SH3PXD2A: variants seen among roughly 807,000 people sequenced by gnomAD.
The protein encoded by SH3PXD2A is SH3 and PX domain-containing protein 2A.
Under a neutral mutation model 115.2 loss-of-function variants are expected in SH3PXD2A, and 32 were observed. The ratio of observed to expected loss-of-function variants is 0.28; its 90% CI spans 0.21 to 0.37. SH3PXD2A has a LOEUF of 0.37. Among genes scored for constraint, SH3PXD2A ranks in the 10% least tolerant of loss-of-function variants. The pLI, the probability that SH3PXD2A is intolerant of heterozygous loss-of-function variation, is 1.00. For missense variants in SH3PXD2A, 1,328 were observed against 1,498.7 expected (o/e 0.89, Z 1.88); for synonymous variants, 610 against 629.1 (o/e 0.97, Z 0.45).
intron 1 of SH3PXD2A, among the ~76,000 whole-genome samples, chr10:103,823,326 T>C (rs777919923): frequency 6.6e-6 from 1 of 152,218 alleles, no homozygotes; most frequent in Non-Finnish European, 1.5e-5. Context: ...ATGCTGGCTT[T>C]GTGTAAGAAG....
intron 3 of SH3PXD2A, among the ~76,000 whole-genome samples, chr10:103,741,210 C>A (rs2038440657): frequency 6.6e-6 from 1 of 152,138 alleles, no homozygotes; most frequent in African/African-American, 2.4e-5. Flanking sequence ...CTACAACAGC[C>A]AAGGCCCTGG....
chr10:103,722,837 T>C (rs1288054610), intron 5 of SH3PXD2A, among the ~76,000 whole-genome samples: 1 of 152,212 alleles, frequency 6.6e-6, no homozygotes, highest in East Asian at 1.9e-4. Context: ...AAGCTACTGA[T>C]AAGCTCCTGA....
chr10:103,715,108 G>A (rs2038090574), intron 5 of SH3PXD2A, among the ~76,000 whole-genome samples: 1 of 152,208 alleles, frequency 6.6e-6, no homozygotes, highest in South Asian at 2.1e-4. Context: ...TTTTGGGGTG[G>A]CTGCTCTGTA....
chr10:103,660,998 C>G lies in SH3PXD2A; in HGVS notation c.589G>C (p.Glu197Gln). The G allele has an allele frequency of 6.2e-7, 1 of 1,614,042 alleles. No individual in the cohort carries two copies. The highest frequency in any genetic ancestry group is 8.5e-7 in the Non-Finnish European group (1 of 1,179,954). Residue 197 changes from glutamate to glutamine, a missense_variant, in exon 8 of 15, where the codon GAG becomes CAG. By Grantham distance (29) the Glu-to-Gln change is conservative. Around this residue, in one of 5 missense-constraint regions of SH3PXD2A, gnomAD observed 509 missense variants for 628.3 expected, o/e 0.81. Coordinates refer to ENST00000369774, the MANE Select transcript of SH3PXD2A (RefSeq NM_001394015.1). ...GGGCACTCACCGCTCTCGTTCTTCTCGATGACATCCACCACCTCCCCGGCC... is the reference window on the plus strand; with the variant it reads ...GGGCACTCACCGCTCTCGTTCTTCTGGATGACATCCACCACCTCCCCGGCC... ...LQAGEVVDVI[E>Q]KNESGWWFVS...
At chr10:103,658,539 G>A (rs935325505) in intron 8 of SH3PXD2A, among the ~76,000 whole-genome samples, 10 of 152,248 alleles carry the variant, frequency 6.6e-5, no homozygotes, top group African/African-American at 2.2e-4. Context: ...TCTGCAGCTT[G>A]GCCCTCTTCC....
At chr10:103,686,145 G>A (rs2037674344) in intron 6 of SH3PXD2A, among the ~76,000 whole-genome samples, 2 of 152,176 alleles carry the variant, frequency 1.3e-5, no homozygotes, top group Non-Finnish European at 2.9e-5. Context: ...ACTTTTCCAA[G>A]GAGAAGAATA....
chr10:103,853,043 T>A (rs951523382), intron 1 of SH3PXD2A, among the ~76,000 whole-genome samples: 3 of 152,194 alleles, frequency 2.0e-5, no homozygotes, highest in African/African-American at 7.2e-5. Flanking sequence ...CCTCTCAGTG[T>A]TTTCCAGAAC....
At position 103,633,727 on chromosome 10, in the gene SH3PXD2A, C is replaced by CAAAAA. The variant is rs35917262; in HGVS notation, c.605-6530_605-6526dup. Among the ~76,000 whole-genome samples the CAAAAA allele has an allele frequency of 3.4e-4, 25 of 74,356 alleles. 1 individual carries two copies. The highest frequency in any genetic ancestry group is 1.2e-3 in the African/African-American group (23 of 19,194). The allele number at this position is 74,356 out of a possible 152,430, so 48.8% of individuals were successfully genotyped here. On this transcript the variant is annotated intron_variant, in intron 8 of 14. Transcript: ENST00000369774. The stretch of plus-strand genomic sequence containing the variant: ...TAGGCGATGGAGCAAGATTCTGTCT[C>CAAAAA]AAAAAAAAAAAAAAAAAAAAAAAAA...
chr10:103,766,063 C>A (rs8181413), intron 3 of SH3PXD2A, among the ~76,000 whole-genome samples: 1 of 152,162 alleles, frequency 6.6e-6, no homozygotes, highest in African/African-American at 2.4e-5. Flanking sequence ...TCTTTCGCTG[C>A]TTTTGAGGAT....
chr10:103,833,004 C>T lies in SH3PXD2A; in HGVS notation c.72+22191G>A, dbSNP rs537663355. Among the ~76,000 whole-genome samples, 7 of 152,288 alleles carry T rather than the reference C, an allele frequency of 4.6e-5. No homozygotes were observed. In the East Asian group the frequency reaches 7.7e-4, roughly 17 times the overall value. On this transcript the variant is annotated intron_variant, in intron 1 of 14. Transcript: ENST00000369774. ...AGTGGTTACACCACTTAAAATTCTACGTAAGTGTTCCCACTTCCCCATATT... is the reference window on the plus strand; with the variant it reads ...AGTGGTTACACCACTTAAAATTCTATGTAAGTGTTCCCACTTCCCCATATT...
chr10:103,645,445 G>A (rs2037022124), intron 8 of SH3PXD2A, among the ~76,000 whole-genome samples: 1 of 152,202 alleles, frequency 6.6e-6, no homozygotes, highest in Non-Finnish European at 1.5e-5. Context: ...AAGGACCCAA[G>A]GCACAGAGGT....
At chr10:103,813,774 G>A (rs2039295211) in intron 1 of SH3PXD2A, among the ~76,000 whole-genome samples, 1 of 152,138 alleles carries the variant, frequency 6.6e-6, no homozygotes, top group South Asian at 2.1e-4. Context: ...TGGGGCTGTA[G>A]GGAATTTCAG....
At chr10:103,672,967 G>A (rs529079399) in intron 6 of SH3PXD2A, among the ~76,000 whole-genome samples, 4 of 152,286 alleles carry the variant, frequency 2.6e-5, no homozygotes, top group South Asian at 2.1e-4. Flanking sequence ...TGGAGATTCC[G>A]GCCAAATACA....
At chr10:103,803,587 T>C (rs2039167838) in intron 1 of SH3PXD2A, among the ~76,000 whole-genome samples, 1 of 152,206 alleles carries the variant, frequency 6.6e-6, no homozygotes, top group Non-Finnish European at 1.5e-5. Context: ...ACACAGCTAA[T>C]AAATTACAGA....
At chr10:103,609,493 A>T (rs1408593432) in intron 13 of SH3PXD2A, 1 of 152,260 alleles carries the variant, frequency 6.6e-6, no homozygotes, top group East Asian at 1.9e-4. Flanking sequence ...AGAAACTGGC[A>T]CAGCAGCATC....
intron 1 of SH3PXD2A, among the ~76,000 whole-genome samples, chr10:103,846,954 G>T (rs912712555): frequency 1.3e-5 from 2 of 152,238 alleles, no homozygotes; most frequent in African/African-American, 4.8e-5. Context: ...TGTACAGTAT[G>T]GATGCTGGTG....
At chr10:103,636,420 A>T in intron 8 of SH3PXD2A, among the ~76,000 whole-genome samples, 1 of 151,934 alleles carries the variant, frequency 6.6e-6, no homozygotes, top group African/African-American at 2.4e-5. Flanking sequence ...AGAAAAAAAA[A>T]AAAAAAAGAG....
chr10:103,833,453 C>T (rs2039501084), intron 1 of SH3PXD2A, among the ~76,000 whole-genome samples: 1 of 151,380 alleles, frequency 6.6e-6, no homozygotes, highest in Non-Finnish European at 1.5e-5. Context: ...GCTCAAGTTC[C>T]CAAAGACATA....
chr10:103,679,978 T>A (rs2037587797), intron 6 of SH3PXD2A, among the ~76,000 whole-genome samples: 1 of 152,064 alleles, frequency 6.6e-6, no homozygotes, highest in Non-Finnish European at 1.5e-5. Context: ...TCTTTTATTT[T>A]ATTTATTTAT....
Sources: gnomAD v4.1 joint callset for allele counts (sites outside exome capture counted in the v4.1 genomes callset) on GRCh38, gnomAD v4.1.1 for gene constraint, gnomAD v4.1.1 regional missense constraint, MANE v1.5 for transcripts, NCBI Gene and HGNC (gene_info 2026-07-23, HGNC 2026-07-21) for gene names.